The following ICA1L variants were observed in gnomAD, a reference collection of about 807,000 sequenced individuals.
The protein encoded by ICA1L is islet cell autoantigen 1 like.
ICA1L carries 50 observed loss-of-function variants against 61.3 expected under a neutral mutation model. The observed-to-expected ratio is 0.82, with a 90% confidence interval of 0.65 to 1.03. The LOEUF is 1.03. Among genes scored for constraint, ICA1L ranks in the 50% least tolerant of loss-of-function variants. The pLI, the probability that ICA1L is intolerant of heterozygous loss-of-function variation, is 0.00. For synonymous variants in ICA1L, 161 were observed against 191.3 expected (o/e 0.84, Z 1.31); for missense variants, 508 against 556.7 (o/e 0.91, Z 0.88).
At chr2:202,813,944 G>A (rs192651328) in intron 8 of ICA1L, among the ~76,000 whole-genome samples, 1 of 152,218 alleles carries the variant, frequency 6.6e-6, no homozygotes, top group Admixed American at 6.5e-5. Flanking sequence ...CATTTCAAGA[G>A]TCACTAGAGG....
intron 4 of ICA1L, among the ~76,000 whole-genome samples, chr2:202,820,420 G>A (rs1693668629): frequency 1.3e-5 from 2 of 151,696 alleles, no homozygotes; most frequent in African/African-American, 4.8e-5. Context: ...GTTACTTTAG[G>A]AAATATGTCA....
chr2:202,786,838 G>A (rs1692603952), intron 11 of ICA1L: 1 of 415,848 alleles, frequency 2.4e-6, no homozygotes, highest in Non-Finnish European at 4.7e-6. Context: ...TGTATAAAAT[G>A]ACAGTACTTT....
chr2:202,780,134 C>A (rs1324515042), intron 12 of ICA1L, among the ~76,000 whole-genome samples: 1 of 152,084 alleles, frequency 6.6e-6, no homozygotes, highest in Non-Finnish European at 1.5e-5. Context: ...TAAACTTGTT[C>A]ATATCAAGTA....
At chr2:202,818,742 C>T (rs1315184788) in intron 5 of ICA1L, among the ~76,000 whole-genome samples, 1 of 152,168 alleles carries the variant, frequency 6.6e-6, no homozygotes, top group Non-Finnish European at 1.5e-5. Context: ...TCCTCCTTGC[C>T]TTCTATGATG....
chr2:202,867,378 A>G (rs1479570012), intron 1 of ICA1L, among the ~76,000 whole-genome samples: 2 of 152,218 alleles, frequency 1.3e-5, no homozygotes, highest in African/African-American at 4.8e-5. Flanking sequence ...AGCCTACCAC[A>G]TACCTAGGAG....
At chr2:202,827,940 C>A (rs114235368) in intron 2 of ICA1L, among the ~76,000 whole-genome samples, 5,952 of 152,184 alleles carry the variant, frequency 0.039, 376 homozygotes, top group African/African-American at 0.13. Flanking sequence ...ATAACAGAAT[C>A]CCTGCTTAGA....
At chr2:202,816,844 G>A (rs955967213) in intron 6 of ICA1L, among the ~76,000 whole-genome samples, 1 of 152,128 alleles carries the variant, frequency 6.6e-6, no homozygotes, top group Non-Finnish European at 1.5e-5. Flanking sequence ...TATTCATTGT[G>A]TGTTACTTAT....
At chr2:202,858,205 G>A (rs1660520992) in intron 1 of ICA1L, among the ~76,000 whole-genome samples, 1 of 152,084 alleles carries the variant, frequency 6.6e-6, no homozygotes, top group African/African-American at 2.4e-5. Context: ...CAATAGCAAA[G>A]ACTTAGAACC....
chr2:202,809,482 C>G (rs1693315166), intron 9 of ICA1L, among the ~76,000 whole-genome samples: 1 of 152,030 alleles, frequency 6.6e-6, no homozygotes, highest in Non-Finnish European at 1.5e-5. Flanking sequence ...AACCCTGTCT[C>G]TACTAAAAAT....
chr2:202,855,390 G>A (rs1285038345), intron 1 of ICA1L, among the ~76,000 whole-genome samples: 2 of 151,942 alleles, frequency 1.3e-5, no homozygotes. Flanking sequence ...TAACAAAATA[G>A]ACTGCTAGCC....
At position 202,840,931 on chromosome 2, in the gene ICA1L, T is replaced by C. The variant is rs1574370934; in HGVS notation, c.-7-11915A>G. On this transcript the variant is annotated intron_variant, in intron 1 of 12. Coordinates refer to ENST00000358299, the MANE Select transcript of ICA1L (RefSeq NM_001288622.3). ...AGCGTCTGCAGTTCCTCATACTTGA[T>C]CTGGTACATGCTCTCAGCCTCAGCC... The C allele has an allele frequency of 1.2e-5, 9 of 723,710 alleles. No individual in the cohort carries two copies. The East Asian group carries it at 3.0e-4, about 24-fold the overall frequency. The allele number at this position is 723,710 out of a possible 1,614,324, so 44.8% of individuals were successfully genotyped here. A position where few individuals can be genotyped will look rare whatever the true frequency, so the allele number is the denominator to read the frequency against.
intron 12 of ICA1L, among the ~76,000 whole-genome samples, chr2:202,782,304 C>CA (rs1476670222): frequency 2.0e-5 from 3 of 152,070 alleles, no homozygotes; most frequent in Non-Finnish European, 4.4e-5. Flanking sequence ...AAGATCATGC[C>CA]ACTGCACTCC....
chr2:202,801,088 G>T (rs1036140379), intron 9 of ICA1L, among the ~76,000 whole-genome samples: 5 of 152,192 alleles, frequency 3.3e-5, no homozygotes, highest in East Asian at 1.9e-4. Context: ...TAAGTGAGAA[G>T]AATAATCCTG....
chr2:202,793,391 A>T (rs893825555), intron 10 of ICA1L, among the ~76,000 whole-genome samples: 1 of 149,740 alleles, frequency 6.7e-6, no homozygotes, highest in South Asian at 2.1e-4. Context: ...ACAGTGGCTC[A>T]CACTTAGCAA....
At chr2:202,840,375 C>G (rs1016514102) in intron 1 of ICA1L, 2 of 489,456 alleles carry the variant, frequency 4.1e-6, no homozygotes, top group Non-Finnish European at 8.0e-6. Context: ...AGCTTCCCAT[C>G]GTGGATCTCA....
chr2:202,824,490 A>T (rs1354479309), intron 3 of ICA1L, among the ~76,000 whole-genome samples: 1 of 152,156 alleles, frequency 6.6e-6, no homozygotes, highest in Non-Finnish European at 1.5e-5. Context: ...GAATATTATT[A>T]ACTGGACAGG....
intron 1 of ICA1L, chr2:202,841,130 C>A: frequency 1.6e-6 from 1 of 639,734 alleles, no homozygotes; most frequent in Admixed American, 2.0e-5. Context: ...TCTCTTCAGT[C>A]AGCCCTTCCA....
At chr2:202,846,131 G>A (rs1694457775) in intron 1 of ICA1L, among the ~76,000 whole-genome samples, 1 of 152,046 alleles carries the variant, frequency 6.6e-6, no homozygotes, top group African/African-American at 2.4e-5. Context: ...GTTTCTGATA[G>A]TTTTCTGCAG....
intron 1 of ICA1L, among the ~76,000 whole-genome samples, chr2:202,860,521 A>G (rs886913966): frequency 1.3e-5 from 2 of 152,102 alleles, no homozygotes; most frequent in Non-Finnish European, 2.9e-5. Context: ...TGGGAGGCCG[A>G]GGCAGGCAGA....
Sources: allele counts gnomAD v4.1 joint callset (sites outside exome capture counted in the v4.1 genomes callset), GRCh38; gene constraint gnomAD v4.1.1; transcripts MANE v1.5; gene names NCBI Gene and HGNC (gene_info 2026-07-23, HGNC 2026-07-21).